DSCAM: variants seen among roughly 807,000 people sequenced by gnomAD.
DSCAM encodes DS cell adhesion molecule.
A neutral mutation model predicts 217.7 loss-of-function variants in DSCAM; 47 were observed. The ratio of observed to expected loss-of-function variants is 0.22; its 90% CI spans 0.17 to 0.28. DSCAM has a LOEUF of 0.28. Among genes scored for constraint, DSCAM ranks in the 10% least tolerant of loss-of-function variants. DSCAM has a pLI of 1.00. For synonymous variants in DSCAM, 1,056 were observed against 1,015.3 expected (o/e 1.04, Z -0.76); for missense variants, 2,080 against 2,618.3 (o/e 0.79, Z 4.49).
intron 3 of DSCAM, among the ~76,000 whole-genome samples, chr21:40,443,690 T>TA (rs1301512467): frequency 7.9e-5 from 12 of 152,242 alleles, no homozygotes; most frequent in African/African-American, 2.9e-4. Flanking sequence ...GTGAAATTTT[T>TA]AAAAAAGTAA....
chr21:40,621,520 T>TACAAA (rs2089516830), intron 3 of DSCAM: 1 of 152,078 alleles, frequency 6.6e-6, no homozygotes, highest in Non-Finnish European at 1.5e-5. Flanking sequence ...GCTGACTGGA[T>TACAAA]GCCCTTTGCA....
chr21:40,345,773 A>G (rs2074551211), intron 6 of DSCAM, among the ~76,000 whole-genome samples: 1 of 152,162 alleles, frequency 6.6e-6, no homozygotes, highest in African/African-American at 2.4e-5. Context: ...TGTATTTGTA[A>G]TTCCATTTCT....
rs549144184 is a variant in DSCAM at position 40,531,221 on chromosome 21, T to C, written c.508+161589A>G. The stretch of plus-strand genomic sequence containing the variant: ...TTCCTGCTGGCACCTGCAGCTTGCC[T>C]TTTGCCTGGAATCTGCCTCCCTCTC... On this transcript the variant is annotated intron_variant, in intron 3 of 32. Transcript: ENST00000400454. 1.5e-3 allele frequency among the ~76,000 whole-genome samples: 223 copies of C among 152,236 alleles called. 2 individuals carry two copies. The highest frequency in any genetic ancestry group is 5.2e-3 in the African/African-American group (216 of 41,550).
chr21:40,096,971 T>G (rs1163115298), intron 20 of DSCAM, among the ~76,000 whole-genome samples: 1 of 152,100 alleles, frequency 6.6e-6, no homozygotes, highest in African/African-American at 2.4e-5. Flanking sequence ...ATAAAGACTT[T>G]TTTCAGATAC....
At chr21:40,189,789 G>A (rs2090935838) in intron 11 of DSCAM, among the ~76,000 whole-genome samples, 1 of 152,130 alleles carries the variant, frequency 6.6e-6, no homozygotes, top group African/African-American at 2.4e-5. Context: ...CTTCCATCAT[G>A]GTCATGAGGC....
intron 3 of DSCAM, among the ~76,000 whole-genome samples, chr21:40,627,945 A>G (rs2089625475): frequency 6.6e-6 from 1 of 152,182 alleles, no homozygotes; most frequent in Non-Finnish European, 1.5e-5. Flanking sequence ...TGGGAAGGGT[A>G]GAAGGAAACT....
At chr21:40,189,989 T>C (rs772092342) in intron 11 of DSCAM, among the ~76,000 whole-genome samples, 25 of 152,240 alleles carry the variant, frequency 1.6e-4, no homozygotes, top group Non-Finnish European at 3.4e-4. Context: ...CCCTTGTTGC[T>C]GCTAACCAGT....
At chr21:40,353,815 C>T in intron 4 of DSCAM, 72 bp from the exon 5 acceptor site, 1 of 1,323,870 alleles carries the variant, frequency 7.6e-7, no homozygotes, top group South Asian at 1.7e-5. Flanking sequence ...TGTAGGACTT[C>T]ATGTATAACT....
intron 1 of DSCAM, among the ~76,000 whole-genome samples, chr21:40,843,364 ATGCATGTG>A (rs901154740): frequency 9.1e-5 from 11 of 120,508 alleles, no homozygotes; most frequent in African/African-American, 4.3e-4. Context: ...TCAGGAATGC[ATGCATGTG>A]TGTGTGTGTG....
At chr21:40,380,317 ATTCCT>A (rs2075007251) in intron 3 of DSCAM, among the ~76,000 whole-genome samples, 1 of 152,218 alleles carries the variant, frequency 6.6e-6, no homozygotes, top group Admixed American at 6.5e-5. Context: ...TAATTGTATA[ATTCCT>A]TTACTTTTAA....
chr21:40,017,509 A>G (rs142912617), intron 32 of DSCAM, among the ~76,000 whole-genome samples: 65 of 152,262 alleles, frequency 4.3e-4, no homozygotes, highest in African/African-American at 1.4e-3. Flanking sequence ...CCTACTGTCA[A>G]CTGGATCCAA....
At chr21:40,706,776 GATT>G in intron 2 of DSCAM, among the ~76,000 whole-genome samples, 1 of 152,282 alleles carries the variant, frequency 6.6e-6, no homozygotes, top group East Asian at 1.9e-4. Context: ...CAACCTAAAA[GATT>G]ATTATAACCA....
At chr21:40,298,064 G>T (rs1601528292) in intron 9 of DSCAM, among the ~76,000 whole-genome samples, 1 of 151,190 alleles carries the variant, frequency 6.6e-6, no homozygotes, top group East Asian at 2.0e-4. Flanking sequence ...TTTAGTAAAT[G>T]CAGGTATGTT....
At chr21:40,099,006 C>T (rs1013170797) in intron 20 of DSCAM, among the ~76,000 whole-genome samples, 3 of 152,158 alleles carry the variant, frequency 2.0e-5, no homozygotes, top group Non-Finnish European at 2.9e-5. Flanking sequence ...TATGTACTTG[C>T]ATTGTGTGAT....
chr21:40,846,779 CCCGCCG>C lies in DSCAM; in HGVS notation c.-124_-119del, dbSNP rs41386156. 17 of 307,964 alleles carry C rather than the reference CCCGCCG, an allele frequency of 5.5e-5. No homozygotes were observed. Among genetic ancestry groups the C allele is most frequent in the African/African-American group, 2.5e-4 (11 of 43,688 alleles). The allele number at this position is 307,964 out of a possible 1,614,324, so 19.1% of individuals were successfully genotyped here. On this transcript the variant is annotated 5_prime_UTR_variant, in exon 1 of 33. Coordinates refer to ENST00000400454, the MANE Select transcript of DSCAM (RefSeq NM_001389.5). The stretch of plus-strand genomic sequence containing the variant: ...CCCGGGGGCCGCCGCCCGCCCGCCG[CCCGCCG>C]CCGCCGCCGCCGCTGCCTAGCCGCC...
In DSCAM at chr21:40,399,965, A is replaced by G. The variant is rs114450306; in HGVS notation, c.509-30720T>C. On this transcript the variant is annotated intron_variant, in intron 3 of 32. Transcript: ENST00000400454. ...TCCAGGGAACATATTTCTAAATTTT[A>G]CCCATATGTGGAATGGATTCTTCAA... Among the ~76,000 whole-genome samples, 81 of 152,242 alleles carry G rather than the reference A, an allele frequency of 5.3e-4. 1 individual carries two copies. Among genetic ancestry groups the G allele is most frequent in the African/African-American group, 1.9e-3 (77 of 41,540 alleles).
In DSCAM at chr21:40,030,017, C is replaced by A. The variant is rs116054142; in HGVS notation, c.5686+12354G>T. On this transcript the variant is annotated intron_variant, in intron 32 of 32. Transcript: ENST00000400454. ...GTGTGCTTGCGCACACACATGCGTG[C>A]ACACATACACATTCACACACAAGTA... is the stretch of plus-strand genomic sequence containing the variant. 5.0e-3 allele frequency among the ~76,000 whole-genome samples: 754 copies of A among 151,770 alleles called. 12 individuals are homozygous for A. Among genetic ancestry groups the A allele is most frequent in the African/African-American group, 0.017 (710 of 41,030 alleles).
intron 27 of DSCAM, among the ~76,000 whole-genome samples, chr21:40,072,350 CTTT>C (rs3069680): frequency 7.1e-6 from 1 of 141,444 alleles, no homozygotes; most frequent in Non-Finnish European, 1.5e-5. Flanking sequence ...CTGTCAGATT[CTTT>C]TTTTTTTTTT....
At chr21:40,473,574 G>C (rs1163100106) in intron 3 of DSCAM, among the ~76,000 whole-genome samples, 2 of 152,182 alleles carry the variant, frequency 1.3e-5, no homozygotes, top group Non-Finnish European at 2.9e-5. Flanking sequence ...AGATCATACA[G>C]GTTCTATGTG....
Sources: allele counts gnomAD v4.1 joint callset (sites outside exome capture counted in the v4.1 genomes callset), GRCh38; gene constraint gnomAD v4.1.1; transcripts MANE v1.5; gene names NCBI Gene and HGNC (gene_info 2026-07-23, HGNC 2026-07-21).